RNPS1: variants seen among roughly 807,000 people sequenced by gnomAD.
RNPS1 encodes RNA binding protein with serine rich domain 1, also known as RNA-binding protein with serine-rich domain 1.
For missense variants in RNPS1, 300 were observed against 427.6 expected (o/e 0.70, Z 2.63); for synonymous variants, 147 against 150.0 (o/e 0.98, Z 0.15).
At chr16:2,255,166 GA>G (rs2093572115) in intron 7 of RNPS1, among the ~76,000 whole-genome samples, 1 of 152,196 alleles carries the variant, frequency 6.6e-6, no homozygotes, top group Non-Finnish European at 1.5e-5. Flanking sequence ...CCCAAAGGCT[GA>G]AAGCACAGCT....
chr16:2,268,117 C>G lies in RNPS1; in HGVS notation c.-180G>C, dbSNP rs1256041465. On this transcript the variant is annotated 5_prime_UTR_variant, in exon 1 of 8. Transcript: ENST00000320225. The stretch of plus-strand genomic sequence containing the variant: ...GCCGCCGAGGCCGGCGCCGCTCTGA[C>G]GTCAGAGTCAAGGAGCGGGAAGTCG... 5 of 1,534,426 alleles carry G rather than the reference C, an allele frequency of 3.3e-6. No homozygotes were observed. The highest frequency in any genetic ancestry group is 1.7e-4 in the Middle Eastern group (1 of 5,980).
chr16:2,264,480 AG>A, intron 2 of RNPS1, 92 bp downstream of exon 2: 1 of 1,531,588 alleles, frequency 6.5e-7, no homozygotes, highest in Non-Finnish European at 9.0e-7. Flanking sequence ...CACTCACTGT[AG>A]AATGCAGAAC....
At chr16:2,267,146 G>C (rs930123711) in intron 1 of RNPS1, 55 of 976,652 alleles carry the variant, frequency 5.6e-5, no homozygotes, top group Non-Finnish European at 6.6e-5. Context: ...TCGAGTGCTA[G>C]AAAGCAAAAG....
Position 2,264,247 on chromosome 16 carries a change from C to T in RNPS1, c.156G>A (p.Ser52=), listed in dbSNP as rs200919742. The T allele has an allele frequency of 4.7e-4, 761 of 1,614,188 alleles. 4 individuals are homozygous for T. In the East Asian group the frequency reaches 0.016, roughly 34 times the overall value. The change falls in exon 3 of 8, where the codon TCG becomes TCA. Residue 52 remains serine (S), a synonymous_variant. Coordinates refer to ENST00000320225, the MANE Select transcript of RNPS1 (RefSeq NM_080594.4). ...RSKDKGATKE[S]SEKDRGRDKT... is the part of the protein sequence containing the mutation. ...TGTCCCGGCCGCGATCCTTCTCACT[C>T]GACTCCTTGGTGGCCCCTTTATCTT...
At chr16:2,261,891 C>T (rs931781711) in intron 6 of RNPS1, among the ~76,000 whole-genome samples, 1 of 152,098 alleles carries the variant, frequency 6.6e-6, no homozygotes, top group Non-Finnish European at 1.5e-5. Flanking sequence ...AGACTCAATC[C>T]TTAGTTAATA....
rs749746577 is a variant in RNPS1, at chr16:2,262,698, G to T, written c.522+42C>A. On this transcript the variant is annotated intron_variant, in intron 5 of 7. Coordinates refer to ENST00000320225, the MANE Select transcript of RNPS1 (RefSeq NM_080594.4). ...TTCATCTGCAGGCACAGGCCTGCTT[G>T]TCCACACCCCACTGCCCACAGGAGA... The T allele has an allele frequency of 3.9e-6, 6 of 1,539,890 alleles. No individual in the cohort carries two copies. The Admixed American group carries it at 1.0e-4, about 26-fold the overall frequency.
Position 2,262,719 on chromosome 16 carries a change from GGA to G in RNPS1, c.522+19_522+20del. 1 of 1,600,806 alleles carries G rather than the reference GGA, an allele frequency of 6.2e-7. No homozygotes were observed. The highest frequency in any genetic ancestry group is 8.5e-7 in the Non-Finnish European group (1 of 1,169,630). On this transcript the variant is annotated intron_variant, in intron 5 of 7. Coordinates refer to ENST00000320225, the MANE Select transcript of RNPS1 (RefSeq NM_080594.4). ...GCTTGTCCACACCCCACTGCCCACA[GGA>G]GAGATCCATGATCCTCACCTTTGTC...
chr16:2,263,935 G>C, intron 3 of RNPS1: 1 of 245,052 alleles, frequency 4.1e-6, no homozygotes, highest in Non-Finnish European at 6.9e-6. Flanking sequence ...TTGTTTTGTT[G>C]CCCATGCTGG....
At position 2,254,834 on chromosome 16, in the gene RNPS1, C is replaced by T. The variant is rs368067368; in HGVS notation, c.818+751G>A. The stretch of plus-strand genomic sequence containing the variant: ...TTGGCTCACTGCAAGCTCCACCTCC[C>T]GGGTTCACGCCATTCTCCTGCCTCA... On this transcript the variant is annotated intron_variant, in intron 7 of 7. Transcript: ENST00000320225. Among the ~76,000 whole-genome samples the T allele has an allele frequency of 1.2e-3, 174 of 150,974 alleles. 1 individual carries two copies. Among genetic ancestry groups the T allele is most frequent in the African/African-American group, 4.1e-3 (167 of 41,044 alleles).
At position 2,264,770 on chromosome 16, in the gene RNPS1, A is replaced by G; in HGVS notation, c.-117-10T>C. 2 of 1,519,654 alleles carry G rather than the reference A, an allele frequency of 1.3e-6. No homozygotes were observed. The highest frequency in any genetic ancestry group is 1.8e-6 in the Non-Finnish European group (2 of 1,141,574). The allele number at this position is 1,519,654 out of a possible 1,614,324, so 94.1% of individuals were successfully genotyped here. ...TACGCCAAAGAGCAGCCTAATAACAAGATAAAAGGGTTTAAAGAGTGAACG... is the reference window on the plus strand; with the variant it reads ...TACGCCAAAGAGCAGCCTAATAACAGGATAAAAGGGTTTAAAGAGTGAACG... On this transcript the variant is annotated splice_polypyrimidine_tract_variant and intron_variant, in intron 1 of 7. Transcript: ENST00000320225.
rs555419755 is a variant in RNPS1, at chr16:2,253,933, A to C, written c.*31T>G. Reference sequence around the variant, plus strand: ...ACAAAACTGAGCTGGGTGGGGTATAAGTTACAGGGGCGAGAGCTTCAGTGG... The same window carrying C: ...ACAAAACTGAGCTGGGTGGGGTATACGTTACAGGGGCGAGAGCTTCAGTGG... On this transcript the variant is annotated 3_prime_UTR_variant, in exon 8 of 8. Coordinates refer to ENST00000320225, the MANE Select transcript of RNPS1 (RefSeq NM_080594.4). 5.2e-6 allele frequency: 8 copies of C among 1,537,576 alleles called. No individual in the cohort carries two copies. Among genetic ancestry groups the C allele is most frequent in the African/African-American group, 1.4e-5 (1 of 72,756 alleles).
At chr16:2,267,176 C>G (rs1224051576) in intron 1 of RNPS1, 1 of 985,382 alleles carries the variant, frequency 1.0e-6, no homozygotes, top group South Asian at 4.7e-5. Context: ...TCTGTTCACC[C>G]AAGTTCAGGT....
intron 1 of RNPS1, chr16:2,267,633 C>T: frequency 9.2e-7 from 1 of 1,085,434 alleles, no homozygotes; most frequent in Non-Finnish European, 1.1e-6. Flanking sequence ...GACACGCCGA[C>T]CTCGCCGCTA....
intron 6 of RNPS1, among the ~76,000 whole-genome samples, chr16:2,259,036 C>A (rs2093590843): frequency 6.7e-6 from 1 of 148,430 alleles, no homozygotes; most frequent in African/African-American, 2.5e-5. Flanking sequence ...GGCAGGAGAA[C>A]TGCTTGAACC....
At position 2,267,616 on chromosome 16, in the gene RNPS1, C is replaced by A. The variant is rs2093630265; in HGVS notation, c.-118+439G>T. On this transcript the variant is annotated intron_variant, in intron 1 of 7. Transcript: ENST00000320225. ...CAAAGAAACTCCGCGCCCGCCGACA[C>A]CGGCCCGACACGCCGACCTCGCCGC... The A allele has an allele frequency of 2.8e-6, 3 of 1,077,862 alleles. No homozygotes were observed. In the South Asian group the frequency reaches 8.9e-5, roughly 32 times the overall value. The allele number at this position is 1,077,862 out of a possible 1,614,324, so 66.8% of individuals were successfully genotyped here. A position where few individuals can be genotyped will look rare whatever the true frequency, so the allele number is the denominator to read the frequency against.
At chr16:2,254,943 T>C (rs1267763563) in intron 7 of RNPS1, among the ~76,000 whole-genome samples, 1 of 150,594 alleles carries the variant, frequency 6.6e-6, no homozygotes, top group Non-Finnish European at 1.5e-5. Flanking sequence ...AAGGTTTCAC[T>C]GTATTAGCCA....
intron 4 of RNPS1, 113 bp from the exon 5 acceptor site, chr16:2,262,955 C>A: frequency 7.7e-7 from 1 of 1,298,156 alleles, no homozygotes; most frequent in South Asian, 1.3e-5. Context: ...GGAAGACTTT[C>A]CTGCTAGTTC....
At chr16:2,265,546 G>A (rs1017601321) in intron 1 of RNPS1, 3 of 150,420 alleles carry the variant, frequency 2.0e-5, no homozygotes, top group Non-Finnish European at 4.4e-5. Context: ...GTGCAGTGGT[G>A]CGATCTTGGC....
chr16:2,265,543 G>A (rs952517102), intron 1 of RNPS1: 4 of 150,330 alleles, frequency 2.7e-5, no homozygotes, highest in African/African-American at 9.9e-5. Flanking sequence ...GGAGTGCAGT[G>A]GTGCGATCTT....
Sources: allele counts gnomAD v4.1 joint callset (sites outside exome capture counted in the v4.1 genomes callset), GRCh38; gene constraint gnomAD v4.1.1; transcripts MANE v1.5; gene names NCBI Gene and HGNC (gene_info 2026-07-23, HGNC 2026-07-21).